Variants in PPARGC1A observed in about 807,000 individuals in gnomAD.
PPARGC1A encodes PPARG coactivator 1 alpha, also known as peroxisome proliferator-activated receptor gamma coactivator 1-alpha.
In PPARGC1A, 25 loss-of-function variants were observed where a neutral mutation model predicts 88.7. The ratio of observed to expected loss-of-function variants is 0.28; its 90% CI spans 0.21 to 0.39. The LOEUF (loss-of-function observed/expected upper bound fraction) is 0.39. Among genes scored for constraint, PPARGC1A ranks in the 10% least tolerant of loss-of-function variants. The pLI, the probability that PPARGC1A is intolerant of heterozygous loss-of-function variation, is 1.00. For missense variants in PPARGC1A, 880 were observed against 968.7 expected (o/e 0.91, Z 1.22); for synonymous variants, 363 against 355.6 (o/e 1.02, Z -0.24).
chr4:24,421,832 C>A, the PPARGC1A span, among the ~76,000 whole-genome samples: 1 of 152,010 alleles, frequency 6.6e-6, no homozygotes, highest in African/African-American at 2.4e-5. Flanking sequence ...TCATTTTGTT[C>A]TTGTTATGTT....
chr4:24,078,456 T>G, the PPARGC1A span, among the ~76,000 whole-genome samples: 2 of 152,158 alleles, frequency 1.3e-5, no homozygotes, highest in African/African-American at 2.4e-5. Flanking sequence ...TTATTCCATA[T>G]TAACTGTTCT....
chr4:24,191,804 C>G, the PPARGC1A span, among the ~76,000 whole-genome samples: 202 of 152,284 alleles, frequency 1.3e-3, 2 homozygotes, highest in African/African-American at 4.8e-3. Context: ...GGCCATAACT[C>G]CAACTTCTGA....
At chr4:24,214,629 A>T in the PPARGC1A span, among the ~76,000 whole-genome samples, 6 of 152,156 alleles carry the variant, frequency 3.9e-5, no homozygotes, top group Admixed American at 3.9e-4. Flanking sequence ...TGCTCTCTTG[A>T]CTAGAGTGTG....
chr4:23,868,250 T>A (rs1183648178), intron 2 of PPARGC1A, among the ~76,000 whole-genome samples: 1 of 152,180 alleles, frequency 6.6e-6, no homozygotes, highest in Non-Finnish European at 1.5e-5. Flanking sequence ...TATATCTTCA[T>A]CTGAACAGCA....
At chr4:23,919,098 T>C in the PPARGC1A span, among the ~76,000 whole-genome samples, 2 of 152,150 alleles carry the variant, frequency 1.3e-5, no homozygotes, top group Admixed American at 6.5e-5. Flanking sequence ...ATTTCATCAA[T>C]TGGATAGGTC....
chr4:24,372,818 T>G, the PPARGC1A span, among the ~76,000 whole-genome samples: 1 of 152,214 alleles, frequency 6.6e-6, no homozygotes, highest in East Asian at 1.9e-4. Flanking sequence ...TTGTGAAGAG[T>G]GAATGTATAC....
At chr4:24,085,546 A>T in the PPARGC1A span, among the ~76,000 whole-genome samples, 6 of 152,178 alleles carry the variant, frequency 3.9e-5, no homozygotes, top group African/African-American at 1.4e-4. Context: ...CACCCAGTAC[A>T]CCTTACCATG....
chr4:24,438,897 G>A, the PPARGC1A span, among the ~76,000 whole-genome samples: 1 of 151,716 alleles, frequency 6.6e-6, no homozygotes. Context: ...ATAAAGTGGA[G>A]CACATACCCC....
the PPARGC1A span, among the ~76,000 whole-genome samples, chr4:24,152,211 C>T: frequency 3.3e-5 from 5 of 152,140 alleles, no homozygotes; most frequent in Non-Finnish European, 7.4e-5. Context: ...CACAAAGTTC[C>T]CGTAACTGTC....
the PPARGC1A span, among the ~76,000 whole-genome samples, chr4:24,313,105 A>AC: frequency 6.6e-6 from 1 of 152,230 alleles, no homozygotes; most frequent in African/African-American, 2.4e-5. Flanking sequence ...TGATAACACA[A>AC]CAAATAATAT....
chr4:24,314,959 C>T, the PPARGC1A span, among the ~76,000 whole-genome samples: 1 of 151,702 alleles, frequency 6.6e-6, no homozygotes. Flanking sequence ...TTATGGCATC[C>T]CTGTTTCTTC....
chr4:24,147,866 C>T, the PPARGC1A span, among the ~76,000 whole-genome samples: 1 of 152,112 alleles, frequency 6.6e-6, no homozygotes, highest in South Asian at 2.1e-4. Flanking sequence ...ATCACTTGAG[C>T]CCGGGAGGCA....
At chr4:23,990,366 T>C in the PPARGC1A span, among the ~76,000 whole-genome samples, 1 of 151,830 alleles carries the variant, frequency 6.6e-6, no homozygotes, top group African/African-American at 2.4e-5. Flanking sequence ...ACTTATGTAT[T>C]AGTGCAGCAA....
the PPARGC1A span, among the ~76,000 whole-genome samples, chr4:24,064,078 C>T: frequency 6.6e-6 from 1 of 152,170 alleles, no homozygotes; most frequent in African/African-American, 2.4e-5. Flanking sequence ...TCCCCATCTC[C>T]TTCCCAGAAG....
the PPARGC1A span, among the ~76,000 whole-genome samples, chr4:24,214,450 G>A: frequency 6.6e-6 from 1 of 152,174 alleles, no homozygotes; most frequent in Non-Finnish European, 1.5e-5. Context: ...TGACAGCATA[G>A]TGTTTTCTAA....
At chr4:24,201,061 G>A in the PPARGC1A span, among the ~76,000 whole-genome samples, 2 of 152,132 alleles carry the variant, frequency 1.3e-5, no homozygotes, top group Non-Finnish European at 2.9e-5. Flanking sequence ...CTACTTCAAT[G>A]AGTATATTAT....
At chr4:23,882,974 T>C (rs1716231437) in intron 2 of PPARGC1A, 1 of 152,170 alleles carries the variant, frequency 6.6e-6, no homozygotes, top group Non-Finnish European at 1.5e-5. Flanking sequence ...ATGCATGGCA[T>C]TCACCTGATA....
chr4:24,471,535 A>G, the PPARGC1A span, among the ~76,000 whole-genome samples: 1 of 152,144 alleles, frequency 6.6e-6, no homozygotes, highest in African/African-American at 2.4e-5. The surrounding 1 kb of genome is among the most constrained non-coding windows in gnomAD (Gnocchi z 5.4). Flanking sequence ...TCCAGCTCCC[A>G]GAATAGCTTT....
chr4:24,158,604 T>A, the PPARGC1A span, among the ~76,000 whole-genome samples: 1 of 152,212 alleles, frequency 6.6e-6, no homozygotes, highest in South Asian at 2.1e-4. Context: ...AACAAGCAGA[T>A]GAATGACTGT....
Sources: allele counts gnomAD v4.1 joint callset (sites outside exome capture counted in the v4.1 genomes callset), GRCh38; gene constraint gnomAD v4.1.1; non-coding constraint Gnocchi (gnomAD v3.1); transcripts MANE v1.5; gene names NCBI Gene and HGNC (gene_info 2026-07-23, HGNC 2026-07-21).